The following BDKRB2 variants were observed in gnomAD, a reference collection of about 807,000 sequenced individuals.
BDKRB2 encodes bradykinin receptor B2.
BDKRB2 carries 6 observed loss-of-function variants against 4.0 expected under a neutral mutation model. That is an observed-to-expected ratio of 1.49 (90% confidence interval 0.81 to 2.93). BDKRB2 has a LOEUF of 2.93. BDKRB2 is among the 30% of genes most tolerant of loss of function. The pLI is 0.00. For synonymous variants in BDKRB2, 225 were observed against 215.3 expected, an observed-to-expected ratio of 1.05 and a Z score of -0.40; for missense variants, 478 against 520.1, an observed-to-expected ratio of 0.92 and a Z score of 0.79.
intron 1 of BDKRB2, among the ~76,000 whole-genome samples, chr14:96,230,568 T>A (rs993882766): frequency 6.6e-6 from 1 of 150,754 alleles, no homozygotes; most frequent in Non-Finnish European, 1.5e-5. Flanking sequence ...CTAATTTTTA[T>A]ATTTTTAGTA....
chr14:96,229,804 A>G (rs542639073), intron 1 of BDKRB2, among the ~76,000 whole-genome samples: 1 of 152,160 alleles, frequency 6.6e-6, no homozygotes, highest in African/African-American at 2.4e-5. Context: ...TGGCTGTGGC[A>G]CTATTAAATT....
At chr14:96,236,192 C>T (rs1254214582) in intron 1 of BDKRB2, among the ~76,000 whole-genome samples, 1 of 152,108 alleles carries the variant, frequency 6.6e-6, no homozygotes, top group South Asian at 2.1e-4. Flanking sequence ...GGTAACCAGC[C>T]GGAGGGACTG....
chr14:96,217,771 C>T (rs4900316), intron 1 of BDKRB2, among the ~76,000 whole-genome samples: 54,642 of 151,996 alleles, frequency 0.36, 10,292 homozygotes, highest in South Asian at 0.56. Flanking sequence ...TCCAGGAAGC[C>T]CCCAGGCTCT....
At chr14:96,220,692 G>A (rs953873708) in intron 1 of BDKRB2, among the ~76,000 whole-genome samples, 8 of 138,846 alleles carry the variant, frequency 5.8e-5, no homozygotes, top group East Asian at 4.6e-4. Context: ...TGAGGCCTCC[G>A]TTGTGCCTCT....
In BDKRB2 at chr14:96,240,754, C is replaced by T; in HGVS notation, c.426C>T (p.Tyr142=). The change falls in exon 3 of 3, where the codon TAC becomes TAT. Residue 142 remains tyrosine, a synonymous_variant. Coordinates refer to ENST00000554311, the MANE Select transcript of BDKRB2 (RefSeq NM_001379692.1). ...ATGCCATTATCTCCATGAACCTGTA[C>T]AGCAGCATCTGTTTCCTGATGCTGG... The part of the protein sequence containing the change: ...VVNAIISMNL[Y]SSICFLMLVS... 6.3e-7 allele frequency: 1 copy of T among 1,576,786 alleles called. No homozygotes were observed. Among genetic ancestry groups the T allele is most frequent in the Non-Finnish European group, 8.6e-7 (1 of 1,162,666 alleles).
chr14:96,234,620 A>G (rs1288533366), intron 1 of BDKRB2, among the ~76,000 whole-genome samples: 1 of 152,034 alleles, frequency 6.6e-6, no homozygotes, highest in Non-Finnish European at 1.5e-5. Flanking sequence ...TAGACTTCAG[A>G]CTCCCAAATT....
intron 1 of BDKRB2, among the ~76,000 whole-genome samples, chr14:96,219,974 C>T (rs1188888397): frequency 1.3e-5 from 2 of 152,000 alleles, no homozygotes; most frequent in East Asian, 3.9e-4. Context: ...GAGCCAATTG[C>T]AGTGAGCCAT....
intron 1 of BDKRB2, among the ~76,000 whole-genome samples, chr14:96,222,380 C>T (rs1890593537): frequency 6.6e-6 from 1 of 152,014 alleles, no homozygotes; most frequent in South Asian, 2.1e-4. Context: ...TCCAGCCCCT[C>T]TTCCCTTCCT....
chr14:96,222,010 C>A (rs1224865734), intron 1 of BDKRB2, among the ~76,000 whole-genome samples: 1 of 152,126 alleles, frequency 6.6e-6, no homozygotes, highest in Non-Finnish European at 1.5e-5. Flanking sequence ...AGACTGCCGC[C>A]ACTTCAGAAC....
intron 1 of BDKRB2, among the ~76,000 whole-genome samples, chr14:96,208,370 A>C (rs1020043558): frequency 1.3e-5 from 2 of 152,078 alleles, no homozygotes; most frequent in African/African-American, 4.8e-5. Context: ...CCCCACACAC[A>C]TTCCAAAAAA....
At chr14:96,215,458 C>T (rs147376967) in intron 1 of BDKRB2, among the ~76,000 whole-genome samples, 1 of 100,128 alleles carries the variant, frequency 1.0e-5, no homozygotes, top group Admixed American at 1.0e-4. Context: ...TGATTATTTT[C>T]AAAAATGCCA....
At chr14:96,239,598 G>A (rs534388889) in intron 2 of BDKRB2, 2 of 984,574 alleles carry the variant, frequency 2.0e-6, no homozygotes, top group African/African-American at 3.5e-5. Flanking sequence ...AATTACTAAT[G>A]TTTATTGAGC....
intron 1 of BDKRB2, among the ~76,000 whole-genome samples, chr14:96,211,948 C>G (rs889011417): frequency 1.3e-5 from 2 of 152,234 alleles, no homozygotes; most frequent in East Asian, 1.9e-4. Context: ...AGGACACAGC[C>G]GGCGGTGCAT....
chr14:96,233,850 G>T, intron 1 of BDKRB2: 1 of 152,328 alleles, frequency 6.6e-6, no homozygotes. Flanking sequence ...AGTCTTCTTG[G>T]ATAGAATTCT....
At chr14:96,209,892 A>C (rs1195962748) in intron 1 of BDKRB2, among the ~76,000 whole-genome samples, 2 of 152,144 alleles carry the variant, frequency 1.3e-5, no homozygotes, top group Non-Finnish European at 2.9e-5. Flanking sequence ...GCTACTTGGG[A>C]AGCTGAGGCA....
At chr14:96,224,610 C>A (rs1890652847) in intron 1 of BDKRB2, among the ~76,000 whole-genome samples, 1 of 152,216 alleles carries the variant, frequency 6.6e-6, no homozygotes. Context: ...AAAGCCAAGA[C>A]ATGTCCCGAG....
At chr14:96,207,855 G>A (rs1175627745) in intron 1 of BDKRB2, among the ~76,000 whole-genome samples, 1 of 151,952 alleles carries the variant, frequency 6.6e-6, no homozygotes, top group Non-Finnish European at 1.5e-5. Flanking sequence ...GGTACCTCAG[G>A]GTCATGAGTC....
chr14:96,234,341 C>T lies in BDKRB2; in HGVS notation c.-39-2728C>T, dbSNP rs182390019. Among the ~76,000 whole-genome samples the T allele has an allele frequency of 2.0e-5, 3 of 152,282 alleles. No individual in the cohort carries two copies. In the East Asian group the frequency reaches 5.8e-4, roughly 30 times the overall value. On this transcript the variant is annotated intron_variant, in intron 1 of 2. Coordinates refer to ENST00000554311, the MANE Select transcript of BDKRB2 (RefSeq NM_001379692.1). ...CCTGATAAAAGCAGTGAACTCTGCT[C>T]CAGGTCTGGCCAGCATAAAGGCCCC...
intron 1 of BDKRB2, among the ~76,000 whole-genome samples, chr14:96,224,648 A>T (rs1489947010): frequency 2.6e-5 from 4 of 152,092 alleles, no homozygotes; most frequent in Admixed American, 2.0e-4. Context: ...TTCAGGCATG[A>T]CCTGAATGTT....
Sources: gnomAD v4.1 joint callset for allele counts (sites outside exome capture counted in the v4.1 genomes callset) on GRCh38, gnomAD v4.1.1 for gene constraint, MANE v1.5 for transcripts, NCBI Gene and HGNC (gene_info 2026-07-23, HGNC 2026-07-21) for gene names.